Variants in RBM27 observed in about 807,000 individuals in gnomAD.
RBM27 encodes the protein RNA-binding protein 27.
RBM27 carries 22 observed loss-of-function variants against 135.3 expected under a neutral mutation model. That is an observed-to-expected ratio of 0.16 (90% CI 0.12 to 0.23). The LOEUF is 0.23. Among genes scored for constraint, RBM27 ranks in the 10% least tolerant of loss-of-function variants. The pLI is 1.00. For missense variants in RBM27, 1,009 were observed against 1,281.0 expected (o/e 0.79, Z 3.24); for synonymous variants, 481 against 442.4 (o/e 1.09, Z -1.10).
intron 8 of RBM27, among the ~76,000 whole-genome samples, chr5:146,243,213 C>T (rs1464273722): frequency 2.6e-5 from 4 of 152,118 alleles, no homozygotes; most frequent in Non-Finnish European, 5.9e-5. Flanking sequence ...TTGCAGTGAG[C>T]TGAGATTGCG....
intron 17 of RBM27, 35 bp downstream of exon 17, chr5:146,269,619 A>G (rs1758775263): frequency 1.4e-6 from 2 of 1,414,482 alleles, no homozygotes; most frequent in Non-Finnish European, 1.9e-6. Context: ...ACATAGGGTT[A>G]TTGAACATCT....
At chr5:146,247,801 G>C (rs1275271758) in intron 8 of RBM27, among the ~76,000 whole-genome samples, 1 of 152,124 alleles carries the variant, frequency 6.6e-6, no homozygotes, top group Non-Finnish European at 1.5e-5. Flanking sequence ...TCCTTTCTGT[G>C]TTATAAATAT....
chr5:146,261,723 C>T lies in RBM27; in HGVS notation c.2107C>T (p.His703Tyr). 6.2e-7 allele frequency: 1 copy of T among 1,614,168 alleles called. No homozygotes were observed. The highest frequency in any genetic ancestry group is 8.5e-7 in the Non-Finnish European group (1 of 1,180,012). The stretch of plus-strand genomic sequence containing the variant: ...ACTTAGTCACCTCTCACAGCAGCAC[C>T]ATCACCTGCCACAGCATCTACATCA... ...QTLSHLSQQH[H>Y]HLPQHLHQQQ... Residue 703 changes from histidine (H) to tyrosine (Y), a missense_variant, in exon 13 of 21, where the codon CAT becomes TAT. His to Tyr is a moderately conservative substitution (Grantham distance 83). This residue lies in a region of RBM27 where 355 missense variants were observed against 427.3 expected (regional missense o/e 0.83). Coordinates refer to ENST00000265271, the MANE Select transcript of RBM27 (RefSeq NM_018989.2).
At chr5:146,244,643 A>G (rs979041400) in intron 8 of RBM27, among the ~76,000 whole-genome samples, 2 of 152,032 alleles carry the variant, frequency 1.3e-5, no homozygotes, top group African/African-American at 4.8e-5. Flanking sequence ...GGCTCTGGAA[A>G]TCCTCCTACC....
intron 3 of RBM27, among the ~76,000 whole-genome samples, chr5:146,226,028 ATTTTTT>A (rs11291937): frequency 7.6e-6 from 1 of 130,968 alleles, no homozygotes. Flanking sequence ...AGCCTGCCTA[ATTTTTT>A]TTTTTTTTTT....
At chr5:146,244,540 C>G (rs967195468) in intron 8 of RBM27, among the ~76,000 whole-genome samples, 3 of 151,968 alleles carry the variant, frequency 2.0e-5, no homozygotes, top group African/African-American at 4.8e-5. Flanking sequence ...CATGCCCCCC[C>G]ACCCCCTTTA....
intron 19 of RBM27, among the ~76,000 whole-genome samples, chr5:146,277,311 T>G (rs1759132389): frequency 6.6e-6 from 1 of 152,160 alleles, no homozygotes; most frequent in African/African-American, 2.4e-5. Flanking sequence ...GGAGTTTGTT[T>G]TTACATCCAT....
At chr5:146,250,011 G>A (rs1045438001) in intron 8 of RBM27, among the ~76,000 whole-genome samples, 3 of 152,092 alleles carry the variant, frequency 2.0e-5, no homozygotes, top group African/African-American at 7.2e-5. Context: ...TCTTATATAC[G>A]AAGAAAAGGG....
intron 1 of RBM27, among the ~76,000 whole-genome samples, chr5:146,204,905 C>CTT (rs200622598): frequency 6.7e-6 from 1 of 148,572 alleles, no homozygotes; most frequent in Non-Finnish European, 1.5e-5. Flanking sequence ...GTTTTATAAC[C>CTT]TTTTTTTTTT....
intron 11 of RBM27, among the ~76,000 whole-genome samples, chr5:146,259,225 T>A (rs777403083): frequency 6.6e-6 from 1 of 150,818 alleles, no homozygotes; most frequent in Non-Finnish European, 1.5e-5. Context: ...CCGTTAAAGA[T>A]GATGTTCTAG....
Position 146,251,704 on chromosome 5 carries a change from T to G in RBM27, c.1280-7T>G, listed in dbSNP as rs373178722. ...TCCCAGCTGCCCTCCTATTCTTTCC[T>G]CTATAGGACAGCCCATGTACTCTCG... On this transcript the variant is annotated splice_region_variant and splice_polypyrimidine_tract_variant and intron_variant, in intron 8 of 20. Coordinates refer to ENST00000265271, the MANE Select transcript of RBM27 (RefSeq NM_018989.2). The G allele has an allele frequency of 4.0e-5, 64 of 1,601,494 alleles. No individual in the cohort carries two copies. In the African/African-American group the frequency reaches 8.3e-4, roughly 21 times the overall value.
At chr5:146,269,323 T>C (rs768118054) in intron 16 of RBM27, 42 bp downstream of exon 16, 10 of 1,510,458 alleles carry the variant, frequency 6.6e-6, no homozygotes, top group Non-Finnish European at 2.7e-6. Context: ...AATTGATGTA[T>C]AGAATTGATT....
intron 1 of RBM27, among the ~76,000 whole-genome samples, chr5:146,211,811 A>T (rs1297675731): frequency 2.0e-5 from 3 of 151,976 alleles, no homozygotes; most frequent in Non-Finnish European, 4.4e-5. Flanking sequence ...TCAGAGTCAG[A>T]CTTTTTTTAA....
rs185098176 is a variant in RBM27, at chr5:146,234,293, A to G, written c.1144+550A>G. Among the ~76,000 whole-genome samples the G allele has an allele frequency of 2.6e-5, 4 of 152,324 alleles. No individual in the cohort carries two copies. The East Asian group carries it at 7.7e-4, about 29-fold the overall frequency. On this transcript the variant is annotated intron_variant, in intron 7 of 20. Transcript: ENST00000265271. ...ATATTAAAAAAATTTTTTTTATTAC[A>G]GACATTTTTAGAAGTAGAATAGTAT...
At chr5:146,256,443 G>C (rs767288636) in intron 10 of RBM27, among the ~76,000 whole-genome samples, 19 of 151,174 alleles carry the variant, frequency 1.3e-4, no homozygotes, top group Non-Finnish European at 2.5e-4. Flanking sequence ...TCCGCCTCCT[G>C]GGTTCAAGCG....
intron 12 of RBM27, chr5:146,261,247 CAGACAG>C: frequency 1.8e-6 from 1 of 550,106 alleles, no homozygotes. Context: ...TCTCACATGG[CAGACAG>C]AGAAAGAGAA....
intron 8 of RBM27, chr5:146,245,068 T>G (rs1407597193): frequency 6.5e-6 from 1 of 152,788 alleles, no homozygotes. Context: ...AGTCTTGCTG[T>G]GTTGCCTAGG....
At chr5:146,271,745 A>G (rs1758875666) in intron 19 of RBM27, 71 bp downstream of exon 19, 3 of 1,340,956 alleles carry the variant, frequency 2.2e-6, no homozygotes, top group East Asian at 2.3e-5. Context: ...TGCAGTGTCT[A>G]TAAATGTCAG....
intron 11 of RBM27, among the ~76,000 whole-genome samples, chr5:146,260,106 C>T (rs932905333): frequency 1.3e-5 from 2 of 151,810 alleles, no homozygotes; most frequent in Non-Finnish European, 2.9e-5. Flanking sequence ...CAAGACCAGC[C>T]TGGCCAACAT....
Sources: gnomAD v4.1 joint callset for allele counts (sites outside exome capture counted in the v4.1 genomes callset) on GRCh38, gnomAD v4.1.1 for gene constraint, gnomAD v4.1.1 regional missense constraint, MANE v1.5 for transcripts, NCBI Gene and HGNC (gene_info 2026-07-23, HGNC 2026-07-21) for gene names.